The following MYNN variants were observed in gnomAD, a reference collection of about 807,000 sequenced individuals.
MYNN encodes the protein zinc finger and BTB domain-containing protein 31.
MYNN carries 22 observed loss-of-function variants against 57.2 expected under a neutral mutation model. That is an observed-to-expected ratio of 0.38 (90% CI 0.27 to 0.55). The LOEUF is 0.55. Among genes scored for constraint, MYNN ranks in the 20% least tolerant of loss-of-function variants. MYNN has a pLI of 0.71. For synonymous variants in MYNN, 241 were observed against 257.1 expected (o/e 0.94, Z 0.60); for missense variants, 566 against 723.1 (o/e 0.78, Z 2.49).
At chr3:169,777,817 A>G (rs1473951517) in intron 2 of MYNN, 4 of 152,224 alleles carry the variant, frequency 2.6e-5, no homozygotes, top group Admixed American at 2.0e-4. Flanking sequence ...CACTCCAGCT[A>G]ATTTGGGTTG....
At position 169,789,041 on chromosome 3, in the gene MYNN, A is replaced by C. The variant is rs1337486387; in HGVS notation, c.*2363A>C. The C allele has an allele frequency of 6.6e-6, 1 of 152,126 alleles. No homozygotes were observed. 9.4% of individuals were successfully genotyped at this position (152,126 alleles called of 1,614,324 possible). On this transcript the variant is annotated 3_prime_UTR_variant, in exon 8 of 8. Transcript: ENST00000349841. ...TTATGGAAGTCTTTAGAAGGTGAAG[A>C]TCTTACTGAGAAACTATTTTCTAAA... is the stretch of plus-strand genomic sequence containing the variant.
intron 2 of MYNN, 108 bp from the exon 3 acceptor site, chr3:169,778,660 G>T: frequency 1.3e-6 from 1 of 786,188 alleles, no homozygotes; most frequent in South Asian, 2.1e-5. Flanking sequence ...GTCTTTTTCA[G>T]CATTCTGCTT....
At chr3:169,778,009 A>T (rs901219659) in intron 2 of MYNN, 2 of 153,106 alleles carry the variant, frequency 1.3e-5, no homozygotes, top group African/African-American at 4.8e-5. Flanking sequence ...TGGGAGGATC[A>T]CTTGAGGCCA....
At position 169,779,571 on chromosome 3, in the gene MYNN, G is replaced by C. The variant is rs770669825; in HGVS notation, c.1060+10G>C. 17 of 1,607,608 alleles carry C rather than the reference G, an allele frequency of 1.1e-5. No individual in the cohort carries two copies. Among genetic ancestry groups the C allele is most frequent in the Middle Eastern group, 1.7e-4 (1 of 5,974 alleles). On this transcript the variant is annotated intron_variant, in intron 3 of 7. Coordinates refer to ENST00000349841, the MANE Select transcript of MYNN (RefSeq NM_018657.5). ...GTAAGAACTCATACAGGTGAGACGG[G>C]TGTGTGGGGAGATATTATTTTTATA...
chr3:169,777,829 G>A (rs530894442), intron 2 of MYNN: 2 of 152,166 alleles, frequency 1.3e-5, no homozygotes, highest in African/African-American at 4.8e-5. Context: ...TTTGGGTTGA[G>A]TATCACCAAA....
Position 169,783,540 on chromosome 3 carries a change from A to G in MYNN, c.1463A>G (p.Lys488Arg), listed in dbSNP as rs1189430863. The G allele has an allele frequency of 6.8e-6, 11 of 1,611,146 alleles. No homozygotes were observed. Among genetic ancestry groups the G allele is most frequent in the Non-Finnish European group, 7.6e-6 (9 of 1,177,804 alleles). The change falls in exon 6 of 8, where the codon AAA becomes AGA. Residue 488 changes from lysine to arginine, a missense_variant. This residue lies in a region of MYNN where 156 missense variants were observed against 163.9 expected (regional missense o/e 0.95). Transcript: ENST00000349841. ...TTTATTTCCTCAGGAGAGCTCAACA[A>G]ACACTTTCGGTCCCATACAGGTCTG... Reference protein sequence around the residue: ...KSFISSGELNKHFRSHTGERP... With the variant: ...KSFISSGELNRHFRSHTGERP...
chr3:169,774,466 T>A lies in MYNN; in HGVS notation c.171T>A (p.Ser57=). 1.9e-6 allele frequency: 3 copies of A among 1,614,100 alleles called. No homozygotes were observed. The highest frequency in any genetic ancestry group is 2.5e-6 in the Non-Finnish European group (3 of 1,179,994). ...EYFGAIYRST[S]ENNVFLDQSQ... Reference sequence around the variant, plus strand: ...TTGGTGCGATCTACAGAAGCACTTCTGAGAACAATGTCTTTCTTGATCAGA... The same window carrying A: ...TTGGTGCGATCTACAGAAGCACTTCAGAGAACAATGTCTTTCTTGATCAGA... The change falls in exon 2 of 8, where the codon TCT becomes TCA. Residue 57 remains serine, a synonymous_variant. Coordinates refer to ENST00000349841, the MANE Select transcript of MYNN (RefSeq NM_018657.5).
rs966596786 is a variant in MYNN at position 169,779,739 on chromosome 3, A to C, written c.1060+178A>C. The C allele has an allele frequency of 5.7e-5, 38 of 665,308 alleles. No individual in the cohort carries two copies. The Middle Eastern group carries it at 2.9e-3, about 51-fold the overall frequency. The allele number at this position is 665,308 out of a possible 1,614,324, so 41.2% of individuals were successfully genotyped here. On this transcript the variant is annotated intron_variant, in intron 3 of 7. Coordinates refer to ENST00000349841, the MANE Select transcript of MYNN (RefSeq NM_018657.5). ...TATTTGTAATTGTAACCAAGTATTT[A>C]ATGGCTGTTTAAGCCCTAATGCATC...
rs539398159 is a variant in MYNN at position 169,786,034 on chromosome 3, A to C, written c.1571-382A>C. Among the ~76,000 whole-genome samples, 11 of 152,228 alleles carry C rather than the reference A, an allele frequency of 7.2e-5. No homozygotes were observed. The East Asian group carries it at 1.3e-3, about 19-fold the overall frequency. ...GAGGGAGTTAAAGAAGTATAACGAC[A>C]TTTACTCTCAAAGAATTTACAGTCT... is the stretch of plus-strand genomic sequence containing the variant. On this transcript the variant is annotated intron_variant, in intron 7 of 7. Transcript: ENST00000349841.
chr3:169,783,473 C>G lies in MYNN; in HGVS notation c.1400-4C>G. On this transcript the variant is annotated splice_region_variant and splice_polypyrimidine_tract_variant and intron_variant, in intron 5 of 7. Transcript: ENST00000349841. Reference sequence around the variant, plus strand: ...CACTTCGCTATCTTTTATTTTCCATCTAGGTGAAAAACCATACATATGTGG... The same window carrying G: ...CACTTCGCTATCTTTTATTTTCCATGTAGGTGAAAAACCATACATATGTGG... 2 of 1,580,290 alleles carry G rather than the reference C, an allele frequency of 1.3e-6. No individual in the cohort carries two copies. The highest frequency in any genetic ancestry group is 3.4e-5 in the Admixed American group (2 of 59,196).
chr3:169,783,839 C>G, intron 6 of MYNN: 1 of 463,712 alleles, frequency 2.2e-6, no homozygotes, highest in Non-Finnish European at 4.0e-6. Flanking sequence ...ACAGATATAC[C>G]AAGAAATGAA....
intron 2 of MYNN, chr3:169,777,820 T>C (rs1180511625): frequency 6.6e-6 from 1 of 152,186 alleles, no homozygotes; most frequent in Non-Finnish European, 1.5e-5. Flanking sequence ...TCCAGCTAAT[T>C]TGGGTTGAGT....
chr3:169,786,723 C>T lies in MYNN; in HGVS notation c.*45C>T, dbSNP rs1235080216. 1 of 1,567,858 alleles carries T rather than the reference C, an allele frequency of 6.4e-7. No homozygotes were observed. The highest frequency in any genetic ancestry group is 1.3e-5 in the African/African-American group (1 of 74,130). ...TTGCTAAGATATCATTGGTAGCAAA[C>T]ATCTCTGGTAAGGTGCATATATTCA... is the stretch of plus-strand genomic sequence containing the variant. On this transcript the variant is annotated 3_prime_UTR_variant, in exon 8 of 8. Transcript: ENST00000349841.
intron 6 of MYNN, 194 bp downstream of exon 6, chr3:169,783,754 G>A (rs1324338398): frequency 4.7e-6 from 3 of 636,002 alleles, no homozygotes; most frequent in Non-Finnish European, 8.7e-6. Context: ...AATTAAATTT[G>A]TTAAAGAATT....
At chr3:169,784,576 G>T in intron 6 of MYNN, 46 bp from the exon 7 acceptor site, 1 of 1,259,202 alleles carries the variant, frequency 7.9e-7, no homozygotes, top group Non-Finnish European at 1.1e-6. Flanking sequence ...GTCTTAGCTA[G>T]CAGCTTTTAA....
chr3:169,774,178 GTT>G, intron 1 of MYNN, 85 bp from the exon 2 acceptor site: 1 of 1,022,066 alleles, frequency 9.8e-7, no homozygotes, highest in Admixed American at 2.3e-5. Context: ...GGCTAAAATT[GTT>G]TAAGTTATGT....
intron 3 of MYNN, 51 bp from the exon 4 acceptor site, chr3:169,780,539 T>C: frequency 7.3e-7 from 1 of 1,373,240 alleles, no homozygotes; most frequent in Non-Finnish European, 9.9e-7. Flanking sequence ...ATATGACTTA[T>C]GCAACCAAAA....
rs745645728 is a variant in MYNN at position 169,779,264 on chromosome 3, A to G, written c.763A>G (p.Thr255Ala). The part of the protein sequence containing the change: ...FPAQDIVHTV[T>A]VKRKRGKSQP... The stretch of plus-strand genomic sequence containing the variant: ...AGCACAAGATATTGTGCACACTGTT[A>G]CAGTGAAACGGAAACGTGGAAAATC... The change falls in exon 3 of 8, where the codon ACA becomes GCA. Residue 255 changes from threonine (T) to alanine (A), a missense_variant. By Grantham distance (58) the Thr-to-Ala change is moderately conservative (BLOSUM62 0). Coordinates refer to ENST00000349841, the MANE Select transcript of MYNN (RefSeq NM_018657.5). 11 of 1,614,196 alleles carry G rather than the reference A, an allele frequency of 6.8e-6. No homozygotes were observed. In the South Asian group the frequency reaches 1.2e-4, roughly 18 times the overall value.
rs571722563 is a variant in MYNN, at chr3:169,788,043, T to C, written c.*1365T>C. 2.0e-5 allele frequency: 3 copies of C among 152,286 alleles called. No homozygotes were observed. The highest frequency in any genetic ancestry group is 2.1e-4 in the South Asian group (1 of 4,828). The allele number at this position is 152,286 out of a possible 1,614,324, so 9.4% of individuals were successfully genotyped here. On this transcript the variant is annotated 3_prime_UTR_variant, in exon 8 of 8. Transcript: ENST00000349841. ...TTATTTCTGCCATGCTGTGGCTTTT[T>C]TGTGTTCTGCTTTTAAACTACACCT...
Sources: allele counts gnomAD v4.1 joint callset (sites outside exome capture counted in the v4.1 genomes callset), GRCh38; gene constraint gnomAD v4.1.1; regional missense constraint gnomAD v4.1.1; transcripts MANE v1.5; gene names NCBI Gene and HGNC (gene_info 2026-07-23, HGNC 2026-07-21).